The following UBE2M variants were observed in gnomAD, a reference collection of about 807,000 sequenced individuals.
The protein encoded by UBE2M is ubiquitin conjugating enzyme E2 M, also known as NEDD8-conjugating enzyme Ubc12.
UBE2M carries 2 observed loss-of-function variants against 23.5 expected under a neutral mutation model. The observed-to-expected ratio is 0.09, with a 90% confidence interval of 0.03 to 0.27. The LOEUF (loss-of-function observed/expected upper bound fraction) is 0.27. UBE2M is among the 10% of genes least tolerant of loss of function. The pLI, the probability that UBE2M is intolerant of heterozygous loss-of-function variation, is 1.00. For missense variants in UBE2M, 103 were observed against 232.9 expected, an observed-to-expected ratio of 0.44 and a Z score of 3.63; for synonymous variants, 97 against 95.2, an observed-to-expected ratio of 1.02 and a Z score of -0.11.
In UBE2M at chr19:58,558,469, C is replaced by T. The variant is rs2053908050; in HGVS notation, c.-88G>A. Reference sequence around the variant, plus strand: ...CGCCGCCGCCCGCGTCGCCTCCGCTCCTCGGACCCGCAGCTGCGGCCTCCT... The same window carrying T: ...CGCCGCCGCCCGCGTCGCCTCCGCTTCTCGGACCCGCAGCTGCGGCCTCCT... On this transcript the variant is annotated 5_prime_UTR_variant, in exon 1 of 6. Transcript: ENST00000253023. This position sits in a 1 kb window ranked among gnomAD's most constrained non-coding sequence, Gnocchi z 4.7. 1 of 667,022 alleles carries T rather than the reference C, an allele frequency of 1.5e-6. No homozygotes were observed. Among genetic ancestry groups the T allele is most frequent in the African/African-American group, 2.0e-5 (1 of 50,462 alleles). 41.3% of individuals were successfully genotyped at this position (667,022 alleles called of 1,614,324 possible).
chr19:58,556,596 A>C lies in UBE2M; in HGVS notation c.347+91T>G. ...AAACCACAGACAACAAAGGGGTGGGAAGGGACAGAGTCTGATGTAGTGCCC... is the reference window on the plus strand; with the variant it reads ...AAACCACAGACAACAAAGGGGTGGGCAGGGACAGAGTCTGATGTAGTGCCC... On this transcript the variant is annotated intron_variant, in intron 4 of 5. Transcript: ENST00000253023. The surrounding 1 kb of genome is among the most constrained non-coding windows in gnomAD (Gnocchi z 4.9). 8.2e-7 allele frequency: 1 copy of C among 1,218,652 alleles called. No individual in the cohort carries two copies. 75.5% of individuals were successfully genotyped at this position (1,218,652 alleles called of 1,614,324 possible).
chr19:58,556,671 G>A lies in UBE2M; in HGVS notation c.347+16C>T, dbSNP rs753605398. On this transcript the variant is annotated intron_variant, in intron 4 of 5. Coordinates refer to ENST00000253023, the MANE Select transcript of UBE2M (RefSeq NM_003969.4). This position sits in a 1 kb window ranked among gnomAD's most constrained non-coding sequence, Gnocchi z 4.9. ...AGGCAGCGCTGAGGAGGGCATTAGA[G>A]GGCCAGTGTCCTCACCTGAGGATGT... The A allele has an allele frequency of 6.6e-7, 1 of 1,520,548 alleles. No homozygotes were observed. The highest frequency in any genetic ancestry group is 8.8e-7 in the Non-Finnish European group (1 of 1,136,510). The allele number at this position is 1,520,548 out of a possible 1,614,324, so 94.2% of individuals were successfully genotyped here. A position where few individuals can be genotyped will look rare whatever the true frequency, so the allele number is the denominator to read the frequency against.
In UBE2M at chr19:58,555,891, G is replaced by A; in HGVS notation, c.*198C>T. 1.5e-6 allele frequency: 1 copy of A among 678,584 alleles called. No homozygotes were observed. The allele number at this position is 678,584 out of a possible 1,614,324, so 42.0% of individuals were successfully genotyped here. A position where few individuals can be genotyped will look rare whatever the true frequency, so the allele number is the denominator to read the frequency against. ...CATTTCCCATCGCTGAGTGGGTCGG[G>A]GGAGGCAGCGCCGACCTTAATCACA... On this transcript the variant is annotated 3_prime_UTR_variant, in exon 6 of 6. Transcript: ENST00000253023.
rs775634404 is a variant in UBE2M, at chr19:58,556,657, A to G, written c.347+30T>C. The G allele has an allele frequency of 6.6e-7, 1 of 1,510,380 alleles. No homozygotes were observed. The highest frequency in any genetic ancestry group is 8.9e-7 in the Non-Finnish European group (1 of 1,128,284). 93.6% of individuals were successfully genotyped at this position (1,510,380 alleles called of 1,614,324 possible). On this transcript the variant is annotated intron_variant, in intron 4 of 5. Coordinates refer to ENST00000253023, the MANE Select transcript of UBE2M (RefSeq NM_003969.4). The surrounding 1 kb of genome is among the most constrained non-coding windows in gnomAD (Gnocchi z 4.9). ...GAGGGAGGCCTGGCAGGCAGCGCTG[A>G]GGAGGGCATTAGAGGGCCAGTGTCC...
chr19:58,558,348 T>G lies in UBE2M; in HGVS notation c.34A>C (p.Lys12Gln), dbSNP rs371025308. The change falls in exon 1 of 6, where the codon AAG becomes CAG. Residue 12 changes from lysine (K) to glutamine (Q), a missense_variant. This residue lies in a region of UBE2M where 57 missense variants were observed against 103.3 expected (regional missense o/e 0.55). Coordinates refer to ENST00000253023, the MANE Select transcript of UBE2M (RefSeq NM_003969.4). This position sits in a 1 kb window ranked among gnomAD's most constrained non-coding sequence, Gnocchi z 4.7. Reference protein sequence around the residue: ...IKLFSLKQQKKEEESAGGTKG... With the variant: ...IKLFSLKQQKQEEESAGGTKG... The stretch of plus-strand genomic sequence containing the variant: ...GTGCCGCCCGCCGACTCCTCCTCCT[T>G]CTTCTGCTGCTTCAGCGAGAACAGC... The G allele has an allele frequency of 6.3e-7, 1 of 1,585,762 alleles. No homozygotes were observed. The highest frequency in any genetic ancestry group is 8.6e-7 in the Non-Finnish European group (1 of 1,167,386).
chr19:58,557,653 C>G (rs2053901210), intron 1 of UBE2M, among the ~76,000 whole-genome samples: 2 of 151,620 alleles, frequency 1.3e-5, no homozygotes, highest in African/African-American at 2.4e-5. Flanking sequence ...GTCCCCAACC[C>G]CCGCCACCCT....
At chr19:58,557,401 A>G (rs529106728) in intron 1 of UBE2M, among the ~76,000 whole-genome samples, 283 of 151,864 alleles carry the variant, frequency 1.9e-3, no homozygotes, top group Non-Finnish European at 2.5e-3. Flanking sequence ...TGCGTGTCCC[A>G]ACTCCTGGCC....
At position 58,555,821 on chromosome 19, in the gene UBE2M, T is replaced by G. The variant is rs1189782721; in HGVS notation, c.*268A>C. On this transcript the variant is annotated 3_prime_UTR_variant, in exon 6 of 6. Coordinates refer to ENST00000253023, the MANE Select transcript of UBE2M (RefSeq NM_003969.4). The stretch of plus-strand genomic sequence containing the variant: ...TGCCCACCCACTCCACAGCCCAGAG[T>G]GGGGGCTGAACAAGCACCCAGCAGG... 9.6e-5 allele frequency: 48 copies of G among 501,034 alleles called. No homozygotes were observed. The highest frequency in any genetic ancestry group is 1.5e-4 in the Non-Finnish European group (42 of 277,000). The allele number at this position is 501,034 out of a possible 1,614,324, so 31.0% of individuals were successfully genotyped here. A position where few individuals can be genotyped will look rare whatever the true frequency, so the allele number is the denominator to read the frequency against.
chr19:58,556,488 A>T lies in UBE2M; in HGVS notation c.348-109T>A, dbSNP rs2053891414. 3 of 1,262,068 alleles carry T rather than the reference A, an allele frequency of 2.4e-6. No individual in the cohort carries two copies. In the South Asian group the frequency reaches 3.8e-5, roughly 16 times the overall value. 78.2% of individuals were successfully genotyped at this position (1,262,068 alleles called of 1,614,324 possible). On this transcript the variant is annotated intron_variant, in intron 4 of 5. Coordinates refer to ENST00000253023, the MANE Select transcript of UBE2M (RefSeq NM_003969.4). This position sits in a 1 kb window ranked among gnomAD's most constrained non-coding sequence, Gnocchi z 4.9. ...GGGCATAGGAGAGTGAGCATGTGAG[A>T]GGCTGGGAGGGAGGGTGTGGAGCAG... is the stretch of plus-strand genomic sequence containing the variant.
chr19:58,556,691 G>C lies in UBE2M; in HGVS notation c.343C>G (p.Leu115Val). 6.5e-7 allele frequency: 1 copy of C among 1,528,180 alleles called. No homozygotes were observed. Among genetic ancestry groups the C allele is most frequent in the Non-Finnish European group, 8.8e-7 (1 of 1,140,362 alleles). The allele number at this position is 1,528,180 out of a possible 1,614,324, so 94.7% of individuals were successfully genotyped here. Reference protein sequence around the residue: ...DLEGNVCLNILREDWKPVLTI... With the variant: ...DLEGNVCLNIVREDWKPVLTI... ...TTAGAGGGCCAGTGTCCTCACCTGAGGATGTTGAGGCAGACGTTGCCCTCG... is the reference window on the plus strand; with the variant it reads ...TTAGAGGGCCAGTGTCCTCACCTGACGATGTTGAGGCAGACGTTGCCCTCG... The change falls in exon 4 of 6, where the codon CTC (leucine) becomes GTC (valine). Residue 115 changes from leucine to valine, a missense_variant. Leu to Val is a conservative substitution (Grantham distance 32). Around this residue, in one of 3 missense-constraint regions of UBE2M, gnomAD observed 12 missense variants for 84.0 expected, o/e 0.14. Transcript: ENST00000253023. The surrounding 1 kb of genome is among the most constrained non-coding windows in gnomAD (Gnocchi z 4.9).
rs1267760958 is a variant in UBE2M at position 58,556,221 on chromosome 19, G to A, written c.420C>T (p.Asn140=). 1 of 1,614,046 alleles carries A rather than the reference G, an allele frequency of 6.2e-7. No homozygotes were observed. ...YGLQYLFLEP[N]PEDPLNKEAA... ...CCTCCTTGTTCAGTGGGTCCTCGGGGTTGGGCTCCTGTGGCCAGTACAGGT... is the reference window on the plus strand; with the variant it reads ...CCTCCTTGTTCAGTGGGTCCTCGGGATTGGGCTCCTGTGGCCAGTACAGGT... The change falls in exon 6 of 6, where the codon AAC becomes AAT. Residue 140 remains asparagine (N), a synonymous_variant. Coordinates refer to ENST00000253023, the MANE Select transcript of UBE2M (RefSeq NM_003969.4). This position sits in a 1 kb window ranked among gnomAD's most constrained non-coding sequence, Gnocchi z 4.9.
chr19:58,556,982 C>A lies in UBE2M; in HGVS notation c.205-52G>T. 3 of 1,613,816 alleles carry A rather than the reference C, an allele frequency of 1.9e-6. No homozygotes were observed. Among genetic ancestry groups the A allele is most frequent in the East Asian group, 4.5e-5 (2 of 44,882 alleles). ...TTTTAGGGTTCCATCCTGTGGGGCC[C>A]GATGGGCAGAACATGTCTCCCTCCT... is the stretch of plus-strand genomic sequence containing the variant. On this transcript the variant is annotated intron_variant, in intron 2 of 5. Coordinates refer to ENST00000253023, the MANE Select transcript of UBE2M (RefSeq NM_003969.4). This position sits in a 1 kb window ranked among gnomAD's most constrained non-coding sequence, Gnocchi z 4.9.
chr19:58,556,797 C>T lies in UBE2M; in HGVS notation c.244-7G>A. 6.2e-7 allele frequency: 1 copy of T among 1,603,412 alleles called. No individual in the cohort carries two copies. The highest frequency in any genetic ancestry group is 8.5e-7 in the Non-Finnish European group (1 of 1,174,728). On this transcript the variant is annotated splice_polypyrimidine_tract_variant and splice_region_variant and intron_variant, in intron 3 of 5. Coordinates refer to ENST00000253023, the MANE Select transcript of UBE2M (RefSeq NM_003969.4). The surrounding 1 kb of genome is among the most constrained non-coding windows in gnomAD (Gnocchi z 4.9). The stretch of plus-strand genomic sequence containing the variant: ...GCGGGTAACCCTGGCCCACCTGGCT[C>T]CAGGAAAAGAAAAGAGAGATGGGTA...
At position 58,555,937 on chromosome 19, in the gene UBE2M, T is replaced by C. The variant is rs1022462857; in HGVS notation, c.*152A>G. 1.6e-5 allele frequency: 17 copies of C among 1,061,316 alleles called. No individual in the cohort carries two copies. The highest frequency in any genetic ancestry group is 1.5e-4 in the Admixed American group (5 of 34,474). The allele number at this position is 1,061,316 out of a possible 1,614,324, so 65.7% of individuals were successfully genotyped here. On this transcript the variant is annotated 3_prime_UTR_variant, in exon 6 of 6. Transcript: ENST00000253023. The stretch of plus-strand genomic sequence containing the variant: ...TCACATGGTGTTAAAAAAAAAAAAA[T>C]AACTAGGGGCACGTGGCAGGAAGGG...
In UBE2M at chr19:58,555,998, CG is replaced by C. The variant is rs2053887465; in HGVS notation, c.*90del. On this transcript the variant is annotated 3_prime_UTR_variant, in exon 6 of 6. Coordinates refer to ENST00000253023, the MANE Select transcript of UBE2M (RefSeq NM_003969.4). ...CAAGGCAGGGGATTCCCCCACCGGC[CG>C]CCCCCCAAACCCCTACCCATGGCCC... The C allele has an allele frequency of 6.7e-7, 1 of 1,494,098 alleles. No individual in the cohort carries two copies. The highest frequency in any genetic ancestry group is 2.0e-5 in the Admixed American group (1 of 48,854). 92.6% of individuals were successfully genotyped at this position (1,494,098 alleles called of 1,614,324 possible). A position where few individuals can be genotyped will look rare whatever the true frequency, so the allele number is the denominator to read the frequency against.
At position 58,555,886 on chromosome 19, in the gene UBE2M, G is replaced by A. The variant is rs1006512221; in HGVS notation, c.*203C>T. On this transcript the variant is annotated 3_prime_UTR_variant, in exon 6 of 6. Coordinates refer to ENST00000253023, the MANE Select transcript of UBE2M (RefSeq NM_003969.4). ...CAATTCATTTCCCATCGCTGAGTGGGTCGGGGGAGGCAGCGCCGACCTTAA... is the reference window on the plus strand; with the variant it reads ...CAATTCATTTCCCATCGCTGAGTGGATCGGGGGAGGCAGCGCCGACCTTAA... 7.6e-6 allele frequency: 5 copies of A among 654,788 alleles called. No individual in the cohort carries two copies. The highest frequency in any genetic ancestry group is 2.8e-5 in the East Asian group (1 of 35,758). The allele number at this position is 654,788 out of a possible 1,614,324, so 40.6% of individuals were successfully genotyped here.
In UBE2M at chr19:58,556,308, C is replaced by A. The variant is rs756087909; in HGVS notation, c.411+8G>T. The A allele has an allele frequency of 3.3e-5, 54 of 1,614,006 alleles. No individual in the cohort carries two copies. The highest frequency in any genetic ancestry group is 6.7e-5 in the Admixed American group (4 of 59,996). Reference sequence around the variant, plus strand: ...TCTCCCCAGACCCAACCACCTATTCCTACTCACCAAGAAGAGATACTGCAG... The same window carrying A: ...TCTCCCCAGACCCAACCACCTATTCATACTCACCAAGAAGAGATACTGCAG... On this transcript the variant is annotated splice_region_variant and intron_variant, in intron 5 of 5. Coordinates refer to ENST00000253023, the MANE Select transcript of UBE2M (RefSeq NM_003969.4). The surrounding 1 kb of genome is among the most constrained non-coding windows in gnomAD (Gnocchi z 4.9).
Position 58,555,973 on chromosome 19 carries a change from C to T in UBE2M, c.*116G>A. 2 of 1,424,694 alleles carry T rather than the reference C, an allele frequency of 1.4e-6. No individual in the cohort carries two copies. Among genetic ancestry groups the T allele is most frequent in the Non-Finnish European group, 1.9e-6 (2 of 1,069,220 alleles). The allele number at this position is 1,424,694 out of a possible 1,614,324, so 88.3% of individuals were successfully genotyped here. The stretch of plus-strand genomic sequence containing the variant: ...ACGTGGCAGGAAGGGGAGGCAAGGC[C>T]AAGGCAGGGGATTCCCCCACCGGCC... On this transcript the variant is annotated 3_prime_UTR_variant, in exon 6 of 6. Transcript: ENST00000253023.
In UBE2M at chr19:58,558,283, C is replaced by G; in HGVS notation, c.99G>C (p.Arg33=). ...CCCCTGACCCCCTACCCTTCTGGAT[C>G]CGCAGCTGCGCCGCCGACGCCTTCT... The part of the protein sequence containing the change: ...SSKKASAAQL[R]IQKDINELNL... Residue 33 remains arginine (R), a synonymous_variant, in exon 1 of 6, where the codon CGG becomes CGC. Transcript: ENST00000253023. The surrounding 1 kb of genome is among the most constrained non-coding windows in gnomAD (Gnocchi z 4.7). The G allele has an allele frequency of 6.2e-7, 1 of 1,603,702 alleles. No homozygotes were observed. The highest frequency in any genetic ancestry group is 8.5e-7 in the Non-Finnish European group (1 of 1,175,772).
Sources: gnomAD v4.1 joint callset for allele counts (sites outside exome capture counted in the v4.1 genomes callset) on GRCh38, gnomAD v4.1.1 for gene constraint, gnomAD v4.1.1 regional missense constraint, Gnocchi (gnomAD v3.1) non-coding constraint, MANE v1.5 for transcripts, NCBI Gene and HGNC (gene_info 2026-07-23, HGNC 2026-07-21) for gene names.